Variants in ANKRD55 observed in about 807,000 individuals in gnomAD.
ANKRD55 encodes ankyrin repeat domain-containing protein 55.
Under a neutral mutation model 60.6 loss-of-function variants are expected in ANKRD55, and 41 were observed. The observed-to-expected ratio is 0.68, with a 90% CI of 0.53 to 0.88. ANKRD55 has a LOEUF of 0.88. ANKRD55 is among the 40% of genes least tolerant of loss of function. ANKRD55 has a pLI of 0.00. For synonymous variants in ANKRD55, 264 were observed against 290.3 expected (o/e 0.91, Z 0.92); for missense variants, 732 against 767.6 (o/e 0.95, Z 0.55).
chr5:56,158,129 T>C (rs1758241578), intron 6 of ANKRD55, among the ~76,000 whole-genome samples: 1 of 151,888 alleles, frequency 6.6e-6, no homozygotes, highest in Non-Finnish European at 1.5e-5. Context: ...TGTAGTGAGC[T>C]GAGATTGCAC....
chr5:56,199,122 C>T (rs968253740), intron 2 of ANKRD55, among the ~76,000 whole-genome samples: 1 of 143,452 alleles, frequency 7.0e-6, no homozygotes, highest in African/African-American at 2.7e-5. Context: ...AACCCAAACA[C>T]GTGTTTATAT....
intron 5 of ANKRD55, among the ~76,000 whole-genome samples, chr5:56,168,371 CTA>C (rs1758532710): frequency 1.3e-5 from 2 of 152,124 alleles, no homozygotes; most frequent in Non-Finnish European, 2.9e-5. Flanking sequence ...AAATCTGCCG[CTA>C]ACTACACTCC....
intron 6 of ANKRD55, among the ~76,000 whole-genome samples, chr5:56,152,720 A>T (rs1758087257): frequency 6.6e-6 from 1 of 152,210 alleles, no homozygotes; most frequent in South Asian, 2.1e-4. Flanking sequence ...ATAACTTCTA[A>T]ATAAGTCAGT....
intron 2 of ANKRD55, among the ~76,000 whole-genome samples, chr5:56,185,805 C>A (rs1398323281): frequency 2.0e-5 from 3 of 152,170 alleles, no homozygotes; most frequent in Non-Finnish European, 2.9e-5. Context: ...TAACCCTTTG[C>A]CTCGGTTTCT....
At chr5:56,188,145 C>T (rs1195448813) in intron 2 of ANKRD55, among the ~76,000 whole-genome samples, 1 of 152,172 alleles carries the variant, frequency 6.6e-6, no homozygotes, top group Non-Finnish European at 1.5e-5. Context: ...TCAGCACTAG[C>T]ATTATCCTGG....
intron 4 of ANKRD55, among the ~76,000 whole-genome samples, chr5:56,172,711 T>C (rs1029145065): frequency 5.4e-5 from 8 of 148,732 alleles, no homozygotes; most frequent in African/African-American, 2.1e-4. Context: ...AAGTGTTAAT[T>C]GTCAGCTGTG....
At chr5:56,153,386 G>A (rs1424964719) in intron 6 of ANKRD55, among the ~76,000 whole-genome samples, 1 of 152,166 alleles carries the variant, frequency 6.6e-6, no homozygotes, top group Admixed American at 6.5e-5. Context: ...TAAGAGAAAT[G>A]CTTGCACAGA....
chr5:56,218,063 G>C (rs1759866809), intron 2 of ANKRD55, among the ~76,000 whole-genome samples: 1 of 152,198 alleles, frequency 6.6e-6, no homozygotes, highest in African/African-American at 2.4e-5. Context: ...GAAGCCTGAA[G>C]ATATGATTAA....
intron 2 of ANKRD55, among the ~76,000 whole-genome samples, chr5:56,218,807 C>T (rs752959451): frequency 6.7e-6 from 1 of 149,680 alleles, no homozygotes; most frequent in African/African-American, 2.5e-5. Flanking sequence ...GACACACACA[C>T]AGAGAGAGAG....
intron 6 of ANKRD55, among the ~76,000 whole-genome samples, chr5:56,147,742 T>C (rs1446326537): frequency 6.6e-6 from 1 of 152,190 alleles, no homozygotes; most frequent in Non-Finnish European, 1.5e-5. Flanking sequence ...TTTTTTTCAT[T>C]TGGGCTGATG....
At chr5:56,227,768 T>C (rs768604122) in intron 2 of ANKRD55, among the ~76,000 whole-genome samples, 11 of 152,194 alleles carry the variant, frequency 7.2e-5, no homozygotes, top group Non-Finnish European at 1.3e-4. Context: ...ATAACCTTTT[T>C]GAATTTCCTC....
intron 2 of ANKRD55, among the ~76,000 whole-genome samples, chr5:56,212,458 T>C (rs1182355327): frequency 2.0e-5 from 3 of 152,016 alleles, no homozygotes; most frequent in African/African-American, 7.2e-5. Context: ...CAGTAAGATA[T>C]GAAGCAAAAA....
At chr5:56,126,349 C>T (rs1179395128) in intron 8 of ANKRD55, among the ~76,000 whole-genome samples, 5 of 152,140 alleles carry the variant, frequency 3.3e-5, no homozygotes, top group African/African-American at 4.8e-5. Context: ...TGAAAAGCTA[C>T]AAGTTTGAAA....
At chr5:56,183,775 A>G in intron 2 of ANKRD55, 141 bp from the exon 3 acceptor site, 1 of 1,051,308 alleles carries the variant, frequency 9.5e-7, no homozygotes, top group South Asian at 1.6e-5. Flanking sequence ...CATCCTGGCT[A>G]CACACTCCCT....
intron 7 of ANKRD55, 122 bp downstream of exon 7, chr5:56,143,679 C>A: frequency 2.2e-6 from 3 of 1,393,126 alleles, no homozygotes; most frequent in Non-Finnish European, 3.0e-6. Flanking sequence ...TTCTTTTCAA[C>A]AAGTGGTGGA....
chr5:56,123,811 C>T (rs1338549532), intron 8 of ANKRD55, among the ~76,000 whole-genome samples: 1 of 152,112 alleles, frequency 6.6e-6, no homozygotes, highest in Non-Finnish European at 1.5e-5. Context: ...ATACTCATGT[C>T]CTTGGGGCCA....
chr5:56,127,030 C>A lies in ANKRD55; in HGVS notation c.689G>T (p.Ser230Ile). ...TGCGATATGTACACATGTCTTCCCACTCTCATCATCATAGTTGATTATGGA... is the reference window on the plus strand; with the variant it reads ...TGCGATATGTACACATGTCTTCCCAATCTCATCATCATAGTTGATTATGGA... Reference protein sequence around the residue: ...GPSIINYDDESGKTCVHIAAA... With the variant: ...GPSIINYDDEIGKTCVHIAAA... Residue 230 changes from serine to isoleucine, a missense_variant, in exon 8 of 12, where the codon AGT becomes ATT. Around this residue, in one of 3 missense-constraint regions of ANKRD55, gnomAD observed 597 missense variants for 607.5 expected, o/e 0.98. Coordinates refer to ENST00000341048, the MANE Select transcript of ANKRD55 (RefSeq NM_024669.3). 6.2e-7 allele frequency: 1 copy of A among 1,614,048 alleles called. No homozygotes were observed. The highest frequency in any genetic ancestry group is 8.5e-7 in the Non-Finnish European group (1 of 1,179,970).
intron 2 of ANKRD55, among the ~76,000 whole-genome samples, chr5:56,196,510 A>G (rs1173588868): frequency 3.3e-5 from 5 of 152,218 alleles, no homozygotes; most frequent in Non-Finnish European, 5.9e-5. Context: ...GTTATAGATA[A>G]GGAAACTGAG....
chr5:56,112,514 A>AAAAAAAC (rs1756760897), intron 9 of ANKRD55, among the ~76,000 whole-genome samples: 4 of 149,720 alleles, frequency 2.7e-5, no homozygotes, highest in African/African-American at 4.9e-5. Flanking sequence ...CAAAAAAAAA[A>AAAAAAAC]AAAAAAAACA....
Sources: gnomAD v4.1 joint callset for allele counts (sites outside exome capture counted in the v4.1 genomes callset) on GRCh38, gnomAD v4.1.1 for gene constraint, gnomAD v4.1.1 regional missense constraint, MANE v1.5 for transcripts, NCBI Gene and HGNC (gene_info 2026-07-23, HGNC 2026-07-21) for gene names.